The following SPECC1L variants were observed in gnomAD, a reference collection of about 807,000 sequenced individuals.
The protein encoded by SPECC1L is sperm antigen with calponin homology and coiled-coil domains 1 like, also known as cytospin-A.
Under a neutral mutation model 116.8 loss-of-function variants are expected in SPECC1L, and 40 were observed. That is an observed-to-expected ratio of 0.34 (90% CI 0.27 to 0.45). The LOEUF (loss-of-function observed/expected upper bound fraction) is 0.45. Ranked by LOEUF, SPECC1L falls within the 20% of genes least tolerant of loss-of-function variation. The pLI is 1.00. For missense variants in SPECC1L, 1,110 were observed against 1,373.6 expected, an observed-to-expected ratio of 0.81 and a Z score of 3.03; for synonymous variants, 504 against 500.6, an observed-to-expected ratio of 1.01 and a Z score of -0.09.
At chr22:24,273,048 A>G (rs2048760956) in intron 1 of SPECC1L, among the ~76,000 whole-genome samples, 2 of 152,216 alleles carry the variant, frequency 1.3e-5, no homozygotes, top group African/African-American at 2.4e-5. Context: ...AGTGGAGAAT[A>G]ACTGTAATAA....
intron 4 of SPECC1L, among the ~76,000 whole-genome samples, chr22:24,314,083 C>T (rs1043094691): frequency 2.6e-5 from 4 of 151,658 alleles, no homozygotes; most frequent in Non-Finnish European, 5.9e-5. Context: ...TTCGCTCTGT[C>T]ACCCAGACTG....
At chr22:24,411,225 G>GC (rs1317209769) in intron 14 of SPECC1L, among the ~76,000 whole-genome samples, 6 of 151,900 alleles carry the variant, frequency 3.9e-5, no homozygotes, top group Non-Finnish European at 8.8e-5. Context: ...ACAAAAAAGG[G>GC]GGGGTCATTG....
intron 15 of SPECC1L, 74 bp downstream of exon 15, chr22:24,411,778 C>A: frequency 8.1e-7 from 1 of 1,229,692 alleles, no homozygotes; most frequent in Non-Finnish European, 1.2e-6. Context: ...GCAGCACCTG[C>A]CTCAGCAGGT....
intron 16 of SPECC1L, among the ~76,000 whole-genome samples, chr22:24,413,003 C>T (rs139705601): frequency 7.9e-5 from 12 of 152,304 alleles, no homozygotes; most frequent in Non-Finnish European, 1.8e-4. Flanking sequence ...CGGCTCTTTG[C>T]AGTCATCTCT....
chr22:24,372,254 AAG>A (rs1241219484), intron 14 of SPECC1L, among the ~76,000 whole-genome samples: 4 of 152,218 alleles, frequency 2.6e-5, no homozygotes, highest in Non-Finnish European at 4.4e-5. Flanking sequence ...TCAATAGAAA[AAG>A]AGGGAATACT....
In SPECC1L at chr22:24,313,368, A is replaced by G; in HGVS notation, c.209A>G (p.Asn70Ser). The G allele has an allele frequency of 6.2e-7, 1 of 1,614,176 alleles. No individual in the cohort carries two copies. The highest frequency in any genetic ancestry group is 8.5e-7 in the Non-Finnish European group (1 of 1,180,018). Residue 70 changes from asparagine to serine, a missense_variant, in exon 4 of 17, where the codon AAT becomes AGT. Around this residue, in one of 4 missense-constraint regions of SPECC1L, gnomAD observed 437 missense variants for 482.6 expected, o/e 0.91. Coordinates refer to ENST00000314328, the MANE Select transcript of SPECC1L (RefSeq NM_015330.6). ...ATGGCCGGAGGGGTAACGGTGACTA[A>G]TGGTGTTAAAGGAAAGAAAAGCACC... The part of the protein sequence containing the change: ...AGMAGGVTVT[N>S]GVKGKKSTCP...
intron 2 of SPECC1L, 141 bp from the exon 3 acceptor site, chr22:24,302,054 A>AC: frequency 1.5e-6 from 1 of 677,256 alleles, no homozygotes. Context: ...TCAAAAAAAA[A>AC]AAAAAATTTT....
At chr22:24,390,370 A>G (rs1216257037) in intron 14 of SPECC1L, among the ~76,000 whole-genome samples, 3 of 152,178 alleles carry the variant, frequency 2.0e-5, no homozygotes, top group Non-Finnish European at 4.4e-5. Flanking sequence ...TCATAGTCCA[A>G]GCAGAGCTTA....
At chr22:24,308,293 A>G (rs1018117949) in intron 3 of SPECC1L, among the ~76,000 whole-genome samples, 4 of 152,214 alleles carry the variant, frequency 2.6e-5, no homozygotes, top group Non-Finnish European at 4.4e-5. Flanking sequence ...CTGGCCCAGT[A>G]TCCAATCCAG....
rs554821786 is a variant in SPECC1L at position 24,272,825 on chromosome 22, TC to T, written c.-142+1846del. Among the ~76,000 whole-genome samples, 298 of 152,346 alleles carry T rather than the reference TC, an allele frequency of 2.0e-3. 2 individuals carry two copies. Among genetic ancestry groups the T allele is most frequent in the African/African-American group, 6.9e-3 (287 of 41,584 alleles). On this transcript the variant is annotated intron_variant, in intron 1 of 16. Coordinates refer to ENST00000314328, the MANE Select transcript of SPECC1L (RefSeq NM_015330.6). The stretch of plus-strand genomic sequence containing the variant: ...TTTTTTCCTCCAAAAAAACACCTTT[TC>T]CCCTTTGATTTAGTGTATACCACAC...
chr22:24,352,269 T>C (rs1237269795), intron 11 of SPECC1L, among the ~76,000 whole-genome samples: 2 of 152,082 alleles, frequency 1.3e-5, no homozygotes, highest in East Asian at 3.9e-4. Flanking sequence ...TGGATACAGG[T>C]AGTTGGAAAG....
intron 14 of SPECC1L, among the ~76,000 whole-genome samples, chr22:24,389,396 AGCCACTGTGTCTG>A (rs1187206762): frequency 2.0e-5 from 3 of 152,034 alleles, no homozygotes; most frequent in African/African-American, 7.2e-5. Flanking sequence ...TACAGATGTG[AGCCACTGTGTCTG>A]GCCAATAATA....
intron 14 of SPECC1L, among the ~76,000 whole-genome samples, chr22:24,390,861 T>TTTTTTTC (rs1472340943): frequency 9.1e-6 from 1 of 110,232 alleles, no homozygotes; most frequent in Non-Finnish European, 1.9e-5. Flanking sequence ...CCTTTTTTTT[T>TTTTTTTC]TTTTTCTTTT....
At chr22:24,356,547 A>G (rs187906884) in intron 11 of SPECC1L, among the ~76,000 whole-genome samples, 16 of 152,158 alleles carry the variant, frequency 1.1e-4, no homozygotes, top group African/African-American at 2.9e-4. Flanking sequence ...TAATTTATCT[A>G]TGTCTTTAGA....
chr22:24,320,967 C>T (rs1720637462), intron 4 of SPECC1L, among the ~76,000 whole-genome samples: 1 of 152,186 alleles, frequency 6.6e-6, no homozygotes, highest in African/African-American at 2.4e-5. Flanking sequence ...GGTTAAAACC[C>T]CACTTCTGGA....
intron 3 of SPECC1L, among the ~76,000 whole-genome samples, chr22:24,309,708 A>C (rs137912974): frequency 9.8e-5 from 15 of 152,290 alleles, no homozygotes; most frequent in South Asian, 4.1e-4. Context: ...CTGAAGTTCA[A>C]TATTTGCATA....
intron 14 of SPECC1L, among the ~76,000 whole-genome samples, chr22:24,404,752 G>C (rs746498482): frequency 2.0e-5 from 3 of 152,170 alleles, no homozygotes; most frequent in Non-Finnish European, 2.9e-5. Flanking sequence ...TCAAGTCCGT[G>C]TGTCAGCCCT....
At chr22:24,369,434 G>T in intron 14 of SPECC1L, 114 bp downstream of exon 14, 3 of 791,066 alleles carry the variant, frequency 3.8e-6, no homozygotes, top group South Asian at 2.8e-5. Context: ...TGGCATGGTG[G>T]ATCACACCTA....
intron 8 of SPECC1L, among the ~76,000 whole-genome samples, chr22:24,331,666 C>T (rs991390877): frequency 1.3e-5 from 2 of 152,174 alleles, no homozygotes; most frequent in African/African-American, 2.4e-5. Flanking sequence ...TTTAAGGACT[C>T]TGTGAGGTCA....
Sources: gnomAD v4.1 joint callset for allele counts (sites outside exome capture counted in the v4.1 genomes callset) on GRCh38, gnomAD v4.1.1 for gene constraint, gnomAD v4.1.1 regional missense constraint, MANE v1.5 for transcripts, NCBI Gene and HGNC (gene_info 2026-07-23, HGNC 2026-07-21) for gene names.